KIF16B: variants seen among roughly 807,000 people sequenced by gnomAD.
KIF16B encodes kinesin-like protein KIF16B.
KIF16B carries 98 observed loss-of-function variants against 156.3 expected under a neutral mutation model. That is an observed-to-expected ratio of 0.63 (90% CI 0.53 to 0.74). KIF16B has a LOEUF of 0.74. Ranked by LOEUF, KIF16B falls within the 30% of genes least tolerant of loss-of-function variation. The probability of loss-of-function intolerance (pLI) is 0.00; values close to 1 mark genes in which losing one functional copy is unlikely to be tolerated. For synonymous variants in KIF16B, 564 were observed against 583.7 expected (o/e 0.97, Z 0.49); for missense variants, 1,421 against 1,606.5 (o/e 0.88, Z 1.97).
At chr20:16,312,746 A>C (rs909322293) in intron 24 of KIF16B, among the ~76,000 whole-genome samples, 13 of 148,852 alleles carry the variant, frequency 8.7e-5, no homozygotes, top group African/African-American at 3.2e-4. Flanking sequence ...TTTAAAACAC[A>C]TGTTTGTTCT....
intron 25 of KIF16B, among the ~76,000 whole-genome samples, chr20:16,277,189 A>G (rs926455115): frequency 1.3e-5 from 2 of 152,230 alleles, no homozygotes; most frequent in African/African-American, 4.8e-5. Flanking sequence ...TGCTGTGCGC[A>G]TAGCTGTGGT....
Position 16,273,082 on chromosome 20 carries a change from C to T in KIF16B, c.*171G>A. 1 of 627,564 alleles carries T rather than the reference C, an allele frequency of 1.6e-6. No individual in the cohort carries two copies. Among genetic ancestry groups the T allele is most frequent in the South Asian group, 1.9e-5 (1 of 52,328 alleles). The allele number at this position is 627,564 out of a possible 1,614,324, so 38.9% of individuals were successfully genotyped here. A position where few individuals can be genotyped will look rare whatever the true frequency, so the allele number is the denominator to read the frequency against. On this transcript the variant is annotated 3_prime_UTR_variant, in exon 26 of 26. Transcript: ENST00000354981. ...CATCAGCAGGCAGAGCATCCCATCC[C>T]CAAACTCAGGCACTAGGTATGGAAA... is the stretch of plus-strand genomic sequence containing the variant.
chr20:16,389,256 C>A (rs562078790), intron 17 of KIF16B, among the ~76,000 whole-genome samples: 1 of 152,082 alleles, frequency 6.6e-6, no homozygotes, highest in Non-Finnish European at 1.5e-5. Flanking sequence ...TCAGACAGGT[C>A]CCATATTTGA....
At chr20:16,464,121 T>A (rs1367419588) in intron 12 of KIF16B, among the ~76,000 whole-genome samples, 1 of 152,182 alleles carries the variant, frequency 6.6e-6, no homozygotes, top group Admixed American at 6.5e-5. Context: ...TATCAAAAGG[T>A]ACAATACTTA....
intron 15 of KIF16B, among the ~76,000 whole-genome samples, chr20:16,409,962 T>C (rs1490119502): frequency 6.6e-5 from 2 of 30,356 alleles, no homozygotes; most frequent in Non-Finnish European, 5.9e-5. Context: ...TATATATATA[T>C]ATATATACAT....
intron 22 of KIF16B, chr20:16,367,662 C>T (rs955694238): frequency 1.1e-5 from 18 of 1,612,506 alleles, no homozygotes; most frequent in Non-Finnish European, 1.4e-5. Context: ...CCAAGGTAGT[C>T]TGGAATTTGG....
chr20:16,535,072 T>C lies in KIF16B; in HGVS notation c.48-6632A>G, dbSNP rs1026957340. On this transcript the variant is annotated intron_variant, in intron 1 of 25. Transcript: ENST00000354981. ...TTTGATAGGGATTGCACTGAAATTG[T>C]AGATTGCTTTGAGCAGTATGGTCAT... Among the ~76,000 whole-genome samples, 5 of 152,180 alleles carry C rather than the reference T, an allele frequency of 3.3e-5. No individual in the cohort carries two copies. The East Asian group carries it at 5.8e-4, about 18-fold the overall frequency.
chr20:16,276,510 A>G (rs1241707232), intron 25 of KIF16B, among the ~76,000 whole-genome samples: 1 of 152,232 alleles, frequency 6.6e-6, no homozygotes, highest in East Asian at 1.9e-4. Flanking sequence ...AAGGAGAATT[A>G]GGCAGCTTTC....
chr20:16,490,870 G>A (rs1246291130), intron 12 of KIF16B, among the ~76,000 whole-genome samples: 1 of 152,292 alleles, frequency 6.6e-6, no homozygotes, highest in East Asian at 1.9e-4. Flanking sequence ...CTCACCGCAT[G>A]CCTGCTCTGT....
chr20:16,431,911 T>TACACACACAC (rs1360937595), intron 12 of KIF16B, among the ~76,000 whole-genome samples: 1 of 58,408 alleles, frequency 1.7e-5, no homozygotes, highest in African/African-American at 8.1e-5. Context: ...TATGTATACG[T>TACACACACAC]ATACACACAC....
intron 24 of KIF16B, among the ~76,000 whole-genome samples, chr20:16,335,549 G>T (rs1050509918): frequency 6.6e-6 from 1 of 152,048 alleles, no homozygotes; most frequent in Non-Finnish European, 1.5e-5. Flanking sequence ...AAAGAAAAAA[G>T]TGTAAATCTA....
At chr20:16,368,154 G>C in intron 22 of KIF16B, 1 of 1,116,414 alleles carries the variant, frequency 9.0e-7, no homozygotes, top group South Asian at 3.0e-5. Flanking sequence ...CTTTTAAAGG[G>C]CACTCTTGCA....
At chr20:16,321,389 C>G (rs2063771248) in intron 24 of KIF16B, among the ~76,000 whole-genome samples, 1 of 152,036 alleles carries the variant, frequency 6.6e-6, no homozygotes, top group Non-Finnish European at 1.5e-5. Context: ...TTTGGGGCAA[C>G]TGGATTTCAA....
chr20:16,313,945 A>G (rs917431814), intron 24 of KIF16B, among the ~76,000 whole-genome samples: 1 of 152,190 alleles, frequency 6.6e-6, no homozygotes, highest in African/African-American at 2.4e-5. Flanking sequence ...TCTGATAGTC[A>G]TACTCTTACG....
intron 12 of KIF16B, among the ~76,000 whole-genome samples, chr20:16,466,712 T>TAA (rs2067501994): frequency 6.6e-6 from 1 of 152,176 alleles, no homozygotes; most frequent in Non-Finnish European, 1.5e-5. Flanking sequence ...TATTAGCACA[T>TAA]GAAAACACTC....
intron 25 of KIF16B, among the ~76,000 whole-genome samples, chr20:16,298,218 A>T (rs1568827143): frequency 6.6e-6 from 1 of 152,216 alleles, no homozygotes. Flanking sequence ...AATTTCAAAG[A>T]TTAGGCCAGA....
chr20:16,341,060 TTG>T (rs1257350196), intron 23 of KIF16B, among the ~76,000 whole-genome samples: 2 of 151,964 alleles, frequency 1.3e-5, no homozygotes, highest in Non-Finnish European at 1.5e-5. Flanking sequence ...GATGCTACCA[TTG>T]TGTGTGTGTG....
chr20:16,507,923 G>C (rs1439532994), intron 7 of KIF16B, 35 bp downstream of exon 7: 1 of 1,612,938 alleles, frequency 6.2e-7, no homozygotes, highest in Non-Finnish European at 8.5e-7. Context: ...AAAGACCTCA[G>C]GGATGGAGCC....
intron 15 of KIF16B, among the ~76,000 whole-genome samples, chr20:16,411,929 C>CGTGTGTGTGTGTGT (rs36019156): frequency 7.5e-4 from 101 of 134,100 alleles, no homozygotes; most frequent in African/African-American, 1.7e-3. Flanking sequence ...GAATGTTCAA[C>CGTGTGTGTGTGTGT]GTGTGTGTGT....
Sources: gnomAD v4.1 joint callset for allele counts (sites outside exome capture counted in the v4.1 genomes callset) on GRCh38, gnomAD v4.1.1 for gene constraint, MANE v1.5 for transcripts, NCBI Gene and HGNC (gene_info 2026-07-23, HGNC 2026-07-21) for gene names.